Variants in TSPAN11 observed in about 807,000 individuals in gnomAD.
The protein encoded by TSPAN11 is tetraspanin 11.
A neutral mutation model predicts 32.9 loss-of-function variants in TSPAN11; 29 were observed. That is an observed-to-expected ratio of 0.88 (90% confidence interval 0.66 to 1.20). TSPAN11 has a LOEUF of 1.20. Among genes scored for constraint, TSPAN11 ranks in the 50% most tolerant of loss-of-function variants. The probability of loss-of-function intolerance (pLI) is 0.00; values close to 1 mark genes in which losing one functional copy is unlikely to be tolerated. For synonymous variants in TSPAN11, 140 were observed against 141.3 expected (o/e 0.99, Z 0.07); for missense variants, 283 against 329.1 (o/e 0.86, Z 1.08).
chr12:30,980,667 C>T (rs2140304949), intron 5 of TSPAN11, among the ~76,000 whole-genome samples: 1 of 152,208 alleles, frequency 6.6e-6, no homozygotes, highest in African/African-American at 2.4e-5. Context: ...TGGAAGGCCC[C>T]TCCCCATCTC....
intron 1 of TSPAN11, 57 bp downstream of exon 1, chr12:30,926,853 C>A: frequency 1.9e-6 from 2 of 1,054,748 alleles, no homozygotes; most frequent in Non-Finnish European, 2.5e-6. Flanking sequence ...GCTGGGGGTC[C>A]AGGAGAGGCG....
intron 1 of TSPAN11, among the ~76,000 whole-genome samples, chr12:30,953,022 G>A (rs1938411754): frequency 6.6e-6 from 1 of 152,154 alleles, no homozygotes; most frequent in Non-Finnish European, 1.5e-5. Context: ...GGATTACCAG[G>A]CACAGTAGGC....
chr12:30,943,708 C>T (rs572347595), intron 1 of TSPAN11, among the ~76,000 whole-genome samples: 1 of 152,354 alleles, frequency 6.6e-6, no homozygotes, highest in African/African-American at 2.4e-5. Context: ...CTTTTGGCTC[C>T]TTCCAGCTGC....
At chr12:30,971,027 G>C (rs192287909) in intron 3 of TSPAN11, among the ~76,000 whole-genome samples, 77 of 152,230 alleles carry the variant, frequency 5.1e-4, no homozygotes, top group African/African-American at 1.1e-3. Context: ...CTCACACACA[G>C]AGCCAGCTGG....
chr12:30,977,301 C>T (rs1938994689), intron 3 of TSPAN11, among the ~76,000 whole-genome samples: 1 of 152,172 alleles, frequency 6.6e-6, no homozygotes, highest in African/African-American at 2.4e-5. Context: ...GCTCCGCCGC[C>T]ACCCGCCACC....
At chr12:31,011,586 C>T in the TSPAN11 span, among the ~76,000 whole-genome samples, 1 of 152,204 alleles carries the variant, frequency 6.6e-6, no homozygotes, top group African/African-American at 2.4e-5. Context: ...GGGAACCAGA[C>T]ACCTCCCATC....
chr12:31,014,941 T>C, the TSPAN11 span, among the ~76,000 whole-genome samples: 1 of 152,236 alleles, frequency 6.6e-6, no homozygotes, highest in Non-Finnish European at 1.5e-5. Flanking sequence ...AGTTGATAAA[T>C]AATAGTCTTC....
intron 2 of TSPAN11, among the ~76,000 whole-genome samples, chr12:30,960,275 G>T (rs2140290132): frequency 6.6e-6 from 1 of 151,934 alleles, no homozygotes; most frequent in East Asian, 1.9e-4. Context: ...GTAGCAGGTG[G>T]CCAGTAAACA....
At chr12:30,997,021 G>C (rs1939428047), downstream of TSPAN11, 1 of 152,130 alleles carries the variant, frequency 6.6e-6, no homozygotes, top group South Asian at 2.1e-4. Flanking sequence ...GCAGAGTGTG[G>C]CGAAAAGTCA....
At chr12:30,947,009 G>A (rs1419450479) in intron 1 of TSPAN11, among the ~76,000 whole-genome samples, 1 of 152,168 alleles carries the variant, frequency 6.6e-6, no homozygotes, top group East Asian at 1.9e-4. Flanking sequence ...AGGAAGGCCC[G>A]TCTGCTTCCC....
intron 1 of TSPAN11, among the ~76,000 whole-genome samples, chr12:30,944,439 A>T (rs1166765931): frequency 6.6e-6 from 1 of 152,050 alleles, no homozygotes; most frequent in Non-Finnish European, 1.5e-5. Flanking sequence ...GGGATCAACA[A>T]TTTTAGATTT....
chr12:30,943,585 G>A (rs1938209133), intron 1 of TSPAN11, among the ~76,000 whole-genome samples: 1 of 152,212 alleles, frequency 6.6e-6, no homozygotes, highest in Admixed American at 6.5e-5. Context: ...ACCAGATCCT[G>A]CCCTGCTACT....
intron 2 of TSPAN11, among the ~76,000 whole-genome samples, chr12:30,955,653 G>C (rs1270838018): frequency 6.6e-6 from 1 of 152,174 alleles, no homozygotes; most frequent in Non-Finnish European, 1.5e-5. Flanking sequence ...CTCCCTATGA[G>C]ACTTGGATAG....
chr12:30,998,236 A>C (rs1939443009), downstream of TSPAN11, among the ~76,000 whole-genome samples: 1 of 152,364 alleles, frequency 6.6e-6, no homozygotes, highest in Admixed American at 6.5e-5. Flanking sequence ...ACAGCCAACA[A>C]GAGCCTTGTC....
chr12:30,959,762 C>T (rs900736878), intron 2 of TSPAN11, among the ~76,000 whole-genome samples: 4 of 134,702 alleles, frequency 3.0e-5, no homozygotes, highest in Admixed American at 8.0e-5. Flanking sequence ...GCTGCGCGAC[C>T]GAGTGAGACT....
Position 30,935,319 on chromosome 12 carries a change from A to G in TSPAN11, c.-12+8523A>G, listed in dbSNP as rs551944684. 5.3e-5 allele frequency among the ~76,000 whole-genome samples: 8 copies of G among 151,522 alleles called. No homozygotes were observed. In the South Asian group the frequency reaches 1.7e-3, roughly 32 times the overall value. On this transcript the variant is annotated intron_variant, in intron 1 of 7. Transcript: ENST00000546076. ...AAAAGTGTAGACTGTACCCTTCACTATAATTAAGCTGGGCTTCAAGGGAGC... is the reference window on the plus strand; with the variant it reads ...AAAAGTGTAGACTGTACCCTTCACTGTAATTAAGCTGGGCTTCAAGGGAGC...
the TSPAN11 span, among the ~76,000 whole-genome samples, chr12:31,008,438 C>G: frequency 2.5e-4 from 38 of 152,184 alleles, no homozygotes; most frequent in African/African-American, 8.9e-4. Flanking sequence ...GTGCCTGCAG[C>G]CCCAGGCTAA....
chr12:30,985,986 G>A (rs1337411021), intron 7 of TSPAN11, among the ~76,000 whole-genome samples: 7 of 152,354 alleles, frequency 4.6e-5, no homozygotes, highest in African/African-American at 1.2e-4. Context: ...GCCCAGGAGC[G>A]GCCAAGCCTC....
At chr12:30,999,468 T>C (rs2140320634), downstream of TSPAN11, among the ~76,000 whole-genome samples, 1 of 152,314 alleles carries the variant, frequency 6.6e-6, no homozygotes, top group Middle Eastern at 3.4e-3. Flanking sequence ...TTAAACGTGC[T>C]CAGAACAATT....
Sources: gnomAD v4.1 joint callset for allele counts (sites outside exome capture counted in the v4.1 genomes callset) on GRCh38, gnomAD v4.1.1 for gene constraint, MANE v1.5 for transcripts, NCBI Gene and HGNC (gene_info 2026-07-23, HGNC 2026-07-21) for gene names.